The following DLG2 variants were observed in gnomAD, a reference collection of about 807,000 sequenced individuals.
DLG2 encodes disks large homolog 2.
A neutral mutation model predicts 132.5 loss-of-function variants in DLG2; 45 were observed. The observed-to-expected ratio is 0.34, with a 90% CI of 0.27 to 0.44. The LOEUF (loss-of-function observed/expected upper bound fraction) is 0.44. Among genes scored for constraint, DLG2 ranks in the 20% least tolerant of loss-of-function variants. The pLI, the probability that DLG2 is intolerant of heterozygous loss-of-function variation, is 1.00. For missense variants in DLG2, 1,045 were observed against 1,196.9 expected (o/e 0.87, Z 1.87); for synonymous variants, 424 against 419.6 (o/e 1.01, Z -0.13).
chr11:83,798,596 C>T (rs981748193), intron 17 of DLG2, among the ~76,000 whole-genome samples: 7 of 152,208 alleles, frequency 4.6e-5, no homozygotes, highest in African/African-American at 1.7e-4. Context: ...AGATAATTGG[C>T]ACCACATTTC....
intron 6 of DLG2, among the ~76,000 whole-genome samples, chr11:84,854,481 G>T (rs1162141916): frequency 6.6e-6 from 1 of 151,926 alleles, no homozygotes; most frequent in East Asian, 1.9e-4. Flanking sequence ...TTTGGTAACA[G>T]CTAGACTCAC....
intron 9 of DLG2, among the ~76,000 whole-genome samples, chr11:84,154,969 G>A (rs1418849211): frequency 2.0e-5 from 3 of 152,096 alleles, no homozygotes; most frequent in Non-Finnish European, 4.4e-5. Context: ...CCATCAGAGT[G>A]CACAGGCAAC....
intron 8 of DLG2, among the ~76,000 whole-genome samples, chr11:84,174,360 T>C (rs1427359663): frequency 6.6e-6 from 1 of 152,100 alleles, no homozygotes; most frequent in East Asian, 1.9e-4. Flanking sequence ...ACTGCTCAAG[T>C]AGCTTCAATA....
intron 7 of DLG2, among the ~76,000 whole-genome samples, chr11:84,379,404 T>G (rs980788151): frequency 3.3e-5 from 5 of 151,882 alleles, no homozygotes; most frequent in African/African-American, 1.2e-4. Context: ...AAAATAGCCT[T>G]TAAGGAATTA....
intron 8 of DLG2, among the ~76,000 whole-genome samples, chr11:84,208,434 C>A (rs368307946): frequency 2.1e-4 from 32 of 150,616 alleles, no homozygotes; most frequent in African/African-American, 7.8e-4. Flanking sequence ...ACCTCTGCCT[C>A]ATGGGATGAA....
At position 83,688,214 on chromosome 11, in the gene DLG2, T is replaced by A. The variant is rs529109144; in HGVS notation, c.1826-54889A>T. On this transcript the variant is annotated intron_variant, in intron 18 of 27. Coordinates refer to ENST00000376104, the MANE Select transcript of DLG2 (RefSeq NM_001142699.3). Reference sequence around the variant, plus strand: ...TTGTTTGAATTTAACAATATTCATTTATTCAGAAATTTCCTTAGTCTTGTC... The same window carrying A: ...TTGTTTGAATTTAACAATATTCATTAATTCAGAAATTTCCTTAGTCTTGTC... 1.0e-3 allele frequency among the ~76,000 whole-genome samples: 154 copies of A among 152,328 alleles called. 1 individual carries two copies. The highest frequency in any genetic ancestry group is 8.9e-3 in the South Asian group (43 of 4,828).
At chr11:85,518,677 C>T (rs184006376) in intron 3 of DLG2, among the ~76,000 whole-genome samples, 2 of 152,122 alleles carry the variant, frequency 1.3e-5, no homozygotes, top group Non-Finnish European at 2.9e-5. Context: ...AACAAGGAGC[C>T]GAATGTTAAT....
At chr11:84,446,284 T>C (rs2099034677) in intron 7 of DLG2, among the ~76,000 whole-genome samples, 1 of 152,160 alleles carries the variant, frequency 6.6e-6, no homozygotes, top group African/African-American at 2.4e-5. Context: ...TTTCTTCCTT[T>C]ATCATGATTT....
At chr11:84,908,869 T>G (rs1023874447) in intron 6 of DLG2, among the ~76,000 whole-genome samples, 3 of 151,380 alleles carry the variant, frequency 2.0e-5, no homozygotes, top group Admixed American at 2.0e-4. Flanking sequence ...TTCAACAAAA[T>G]CTTTGTTTAT....
intron 15 of DLG2, among the ~76,000 whole-genome samples, chr11:83,916,537 G>GAT (rs2154116712): frequency 6.6e-6 from 1 of 152,006 alleles, no homozygotes; most frequent in African/African-American, 2.4e-5. Context: ...GCTGGTCTCA[G>GAT]ACTCCTGGCC....
intron 4 of DLG2, among the ~76,000 whole-genome samples, chr11:85,197,609 T>C (rs1266308098): frequency 1.3e-5 from 2 of 152,184 alleles, no homozygotes; most frequent in South Asian, 2.1e-4. Context: ...TTATGTTAAG[T>C]CTAGATTTCT....
chr11:83,789,315 T>A (rs1321432393), intron 17 of DLG2, among the ~76,000 whole-genome samples: 1 of 126,634 alleles, frequency 7.9e-6, no homozygotes, highest in African/African-American at 3.0e-5. Flanking sequence ...TAAAAAGACA[T>A]AGCAATTTCC....
intron 11 of DLG2, among the ~76,000 whole-genome samples, chr11:83,996,574 G>A (rs546125579): frequency 9.0e-4 from 137 of 152,188 alleles, no homozygotes; most frequent in African/African-American, 2.7e-3. Flanking sequence ...CCTAAGTGTC[G>A]ATCAACAGAT....
intron 5 of DLG2, among the ~76,000 whole-genome samples, chr11:85,147,258 G>T (rs2076931774): frequency 6.6e-6 from 1 of 152,158 alleles, no homozygotes; most frequent in Non-Finnish European, 1.5e-5. Flanking sequence ...CTGCAGGGGG[G>T]ATAATCACTG....
chr11:85,385,352 A>G (rs1174037985), intron 3 of DLG2, among the ~76,000 whole-genome samples: 1 of 152,202 alleles, frequency 6.6e-6, no homozygotes, highest in Non-Finnish European at 1.5e-5. Context: ...GTGGAAGGGT[A>G]GAAGGAGCAG....
At chr11:83,761,516 T>G (rs1454965687) in intron 18 of DLG2, among the ~76,000 whole-genome samples, 1 of 152,246 alleles carries the variant, frequency 6.6e-6, no homozygotes, top group Non-Finnish European at 1.5e-5. Flanking sequence ...CTGTTCATTC[T>G]TCTCTGAAGC....
chr11:84,199,269 C>T (rs561570023), intron 8 of DLG2, among the ~76,000 whole-genome samples: 1 of 152,176 alleles, frequency 6.6e-6, no homozygotes, highest in East Asian at 1.9e-4. Context: ...CAAAATTGAA[C>T]ATAATCTGCT....
intron 7 of DLG2, among the ~76,000 whole-genome samples, chr11:84,513,938 C>T (rs2099264663): frequency 6.6e-6 from 1 of 151,920 alleles, no homozygotes; most frequent in African/African-American, 2.4e-5. Context: ...TGCCAGTTAC[C>T]TGTCTGACAA....
intron 21 of DLG2, among the ~76,000 whole-genome samples, chr11:83,525,192 A>C (rs183766707): frequency 1.3e-4 from 20 of 152,306 alleles, no homozygotes; most frequent in Non-Finnish European, 2.4e-4. Flanking sequence ...TTCAGGGTTT[A>C]CATAGGACAC....
Sources: gnomAD v4.1 joint callset for allele counts (sites outside exome capture counted in the v4.1 genomes callset) on GRCh38, gnomAD v4.1.1 for gene constraint, MANE v1.5 for transcripts, NCBI Gene and HGNC (gene_info 2026-07-23, HGNC 2026-07-21) for gene names.